GRID2: variants seen among roughly 807,000 people sequenced by gnomAD.
GRID2 encodes glutamate ionotropic receptor delta type subunit 2.
A neutral mutation model predicts 114.8 loss-of-function variants in GRID2; 33 were observed. The observed-to-expected ratio is 0.29, with a 90% CI of 0.22 to 0.38. The LOEUF is 0.38. Ranked by LOEUF, GRID2 falls within the 10% of genes least tolerant of loss-of-function variation. The pLI, the probability that GRID2 is intolerant of heterozygous loss-of-function variation, is 1.00. For missense variants in GRID2, 1,184 were observed against 1,257.7 expected (o/e 0.94, Z 0.89); for synonymous variants, 505 against 449.9 (o/e 1.12, Z -1.55).
chr4:93,573,895 A>G (rs1386676968), intron 13 of GRID2, among the ~76,000 whole-genome samples: 1 of 152,124 alleles, frequency 6.6e-6, no homozygotes, highest in East Asian at 1.9e-4. Context: ...TCCACAACTT[A>G]TTAGCTAAAC....
In GRID2 at chr4:92,604,934, C is replaced by T. The variant is rs188840338; in HGVS notation, c.244+14648C>T. 1.6e-3 allele frequency among the ~76,000 whole-genome samples: 242 copies of T among 152,040 alleles called. 3 individuals are homozygous for T. The Middle Eastern group carries it at 0.054, about 34-fold the overall frequency. On this transcript the variant is annotated intron_variant, in intron 2 of 15. Transcript: ENST00000282020. ...ACCAAGTGGAGGTAATTGAATCATGCGGGCAGTTTCCCCCACGCTGTTCTC... is the reference window on the plus strand; with the variant it reads ...ACCAAGTGGAGGTAATTGAATCATGTGGGCAGTTTCCCCCACGCTGTTCTC...
At chr4:93,460,935 G>A (rs1190108087) in intron 11 of GRID2, among the ~76,000 whole-genome samples, 2 of 152,120 alleles carry the variant, frequency 1.3e-5, no homozygotes, top group African/African-American at 2.4e-5. Flanking sequence ...CCTCATTTGT[G>A]AAGACGTTGA....
intron 10 of GRID2, among the ~76,000 whole-genome samples, chr4:93,435,318 T>C (rs1365856636): frequency 6.6e-6 from 1 of 152,188 alleles, no homozygotes; most frequent in Non-Finnish European, 1.5e-5. Context: ...ATAAAATCAA[T>C]TAACCTACTA....
chr4:93,623,660 C>G (rs993767511), intron 13 of GRID2, among the ~76,000 whole-genome samples: 1 of 152,276 alleles, frequency 6.6e-6, no homozygotes, highest in African/African-American at 2.4e-5. Flanking sequence ...CAGTCTAATA[C>G]AGTCTTTATA....
At chr4:92,841,005 A>G (rs1389842474) in intron 2 of GRID2, among the ~76,000 whole-genome samples, 1 of 151,986 alleles carries the variant, frequency 6.6e-6, no homozygotes, top group East Asian at 1.9e-4. Flanking sequence ...TGCTTTCCCA[A>G]CTTATCTTGA....
chr4:93,057,649 C>T (rs1727388258), intron 2 of GRID2, among the ~76,000 whole-genome samples: 1 of 151,812 alleles, frequency 6.6e-6, no homozygotes, highest in South Asian at 2.1e-4. Flanking sequence ...ACAACTGTGT[C>T]AATGAACTCC....
intron 14 of GRID2, among the ~76,000 whole-genome samples, chr4:93,678,742 C>G (rs1464912956): frequency 6.6e-6 from 1 of 151,108 alleles, no homozygotes; most frequent in Non-Finnish European, 1.5e-5. Flanking sequence ...GATTTTGTCA[C>G]CAACAGGCCT....
chr4:93,535,765 T>C (rs919669457), intron 13 of GRID2, among the ~76,000 whole-genome samples: 11 of 152,032 alleles, frequency 7.2e-5, no homozygotes, highest in African/African-American at 2.7e-4. Flanking sequence ...TTTAATTTAG[T>C]TGTTTGAGTT....
At chr4:93,366,766 T>C (rs1281926391) in intron 8 of GRID2, among the ~76,000 whole-genome samples, 2 of 152,134 alleles carry the variant, frequency 1.3e-5, no homozygotes, top group East Asian at 3.9e-4. Context: ...TTTTGTACTC[T>C]GTCCCTTTAT....
intron 3 of GRID2, among the ~76,000 whole-genome samples, chr4:93,100,357 T>A (rs1216652372): frequency 6.6e-6 from 1 of 151,936 alleles, no homozygotes; most frequent in African/African-American, 2.4e-5. Flanking sequence ...CTTTATTTTT[T>A]AAATACAAAG....
At chr4:92,495,086 G>A (rs1228260219) in intron 1 of GRID2, among the ~76,000 whole-genome samples, 2 of 151,928 alleles carry the variant, frequency 1.3e-5, no homozygotes, top group Non-Finnish European at 2.9e-5. Flanking sequence ...AGAAATGAAA[G>A]CATTCATGTG....
intron 8 of GRID2, among the ~76,000 whole-genome samples, chr4:93,249,920 T>C (rs1301526481): frequency 6.6e-6 from 1 of 152,140 alleles, no homozygotes; most frequent in East Asian, 1.9e-4. Flanking sequence ...GTTCAACCAT[T>C]CTGGAAGACA....
At chr4:93,566,042 T>G (rs1327917098) in intron 13 of GRID2, among the ~76,000 whole-genome samples, 3 of 152,092 alleles carry the variant, frequency 2.0e-5, no homozygotes, top group Non-Finnish European at 4.4e-5. Flanking sequence ...GAACAAGGAT[T>G]TTTTCTGCGG....
At chr4:92,913,165 ATGTT>A (rs1364307984) in intron 2 of GRID2, among the ~76,000 whole-genome samples, 1 of 151,814 alleles carries the variant, frequency 6.6e-6, no homozygotes. Context: ...GTATGAAAAA[ATGTT>A]TGGTTTTTCA....
intron 13 of GRID2, among the ~76,000 whole-genome samples, chr4:93,546,558 C>T (rs1041948679): frequency 6.6e-5 from 10 of 152,110 alleles, no homozygotes; most frequent in Non-Finnish European, 1.3e-4. Context: ...TGTACAAGAA[C>T]TCAATATAAC....
intron 4 of GRID2, among the ~76,000 whole-genome samples, chr4:93,206,782 A>G (rs1742848518): frequency 6.6e-6 from 1 of 152,144 alleles, no homozygotes; most frequent in Admixed American, 6.6e-5. Context: ...TTAGCAATCT[A>G]AAAGCTACTA....
At chr4:92,669,058 C>G (rs77507500) in intron 2 of GRID2, among the ~76,000 whole-genome samples, 9,226 of 151,698 alleles carry the variant, frequency 0.061, 336 homozygotes, top group East Asian at 0.16. Flanking sequence ...TATATTGATA[C>G]GGTTTTAAAA....
At chr4:93,698,993 T>G (rs1349709051) in intron 14 of GRID2, among the ~76,000 whole-genome samples, 1 of 152,076 alleles carries the variant, frequency 6.6e-6, no homozygotes, top group Non-Finnish European at 1.5e-5. Context: ...ATGGCTGTTA[T>G]GAAAATTACA....
At chr4:93,549,968 C>A (rs575007535) in intron 13 of GRID2, among the ~76,000 whole-genome samples, 4 of 152,258 alleles carry the variant, frequency 2.6e-5, no homozygotes, top group African/African-American at 9.6e-5. Context: ...TGTCCCTGAA[C>A]CTTAGGCATG....
Sources: allele counts gnomAD v4.1 joint callset (sites outside exome capture counted in the v4.1 genomes callset), GRCh38; gene constraint gnomAD v4.1.1; transcripts MANE v1.5; gene names NCBI Gene and HGNC (gene_info 2026-07-23, HGNC 2026-07-21).